The following RYK variants were observed in gnomAD, a reference collection of about 807,000 sequenced individuals.
RYK encodes receptor like tyrosine kinase.
Under a neutral mutation model 70.2 loss-of-function variants are expected in RYK, and 21 were observed. The observed-to-expected ratio is 0.30, with a 90% CI of 0.21 to 0.43. The LOEUF (loss-of-function observed/expected upper bound fraction) is 0.43, where lower values mean the gene tolerates loss of function less well. RYK is among the 20% of genes least tolerant of loss of function. The pLI is 1.00. For synonymous variants in RYK, 267 were observed against 278.0 expected, an observed-to-expected ratio of 0.96 and a Z score of 0.39; for missense variants, 604 against 753.3, an observed-to-expected ratio of 0.80 and a Z score of 2.32.
chr3:134,235,852 C>T (rs1298832814), intron 1 of RYK, among the ~76,000 whole-genome samples: 1 of 151,920 alleles, frequency 6.6e-6, no homozygotes, highest in Admixed American at 6.6e-5. Flanking sequence ...CTGTGGCAAG[C>T]CAGGAGCAGG....
At chr3:134,205,367 C>T (rs1335285394) in intron 5 of RYK, among the ~76,000 whole-genome samples, 3 of 152,164 alleles carry the variant, frequency 2.0e-5, no homozygotes, top group Non-Finnish European at 4.4e-5. Flanking sequence ...AACAATAAAT[C>T]AGAACAGATT....
At chr3:134,192,015 C>G (rs1286589757) in intron 7 of RYK, 41 bp from the exon 8 acceptor site, 1 of 1,599,590 alleles carries the variant, frequency 6.3e-7, no homozygotes, top group Non-Finnish European at 8.5e-7. Flanking sequence ...TATAAATACC[C>G]TTATTATGGT....
intron 8 of RYK, among the ~76,000 whole-genome samples, chr3:134,190,933 T>C (rs1294051451): frequency 6.6e-6 from 1 of 152,196 alleles, no homozygotes; most frequent in Non-Finnish European, 1.5e-5. Context: ...CAGTCAACTA[T>C]TAACAAGTGG....
intron 2 of RYK, among the ~76,000 whole-genome samples, chr3:134,221,196 C>CTTTTTTTTTTTTTTTT (rs71139519): frequency 1.3e-5 from 1 of 78,562 alleles, no homozygotes; most frequent in African/African-American, 5.6e-5. Flanking sequence ...AGTTCTTTTT[C>CTTTTTTTTTTTTTTTT]TTTTTTTTTT....
chr3:134,204,020 G>T (rs904749022), intron 5 of RYK, among the ~76,000 whole-genome samples: 4 of 152,126 alleles, frequency 2.6e-5, no homozygotes, highest in African/African-American at 9.7e-5. Flanking sequence ...TGGGTTAGAG[G>T]AATCAGACAT....
At chr3:134,176,278 A>C (rs1448192712) in intron 11 of RYK, among the ~76,000 whole-genome samples, 1 of 152,190 alleles carries the variant, frequency 6.6e-6, no homozygotes, top group Non-Finnish European at 1.5e-5. Flanking sequence ...CATCTGTTAG[A>C]TGTATCTCCC....
intron 1 of RYK, among the ~76,000 whole-genome samples, chr3:134,236,327 A>T (rs2015200051): frequency 6.6e-6 from 1 of 152,188 alleles, no homozygotes; most frequent in African/African-American, 2.4e-5. Context: ...CAATCCAAAA[A>T]GGAAATTAGA....
At chr3:134,159,424 G>T in intron 13 of RYK, 51 bp from the exon 14 acceptor site, 1 of 1,519,566 alleles carries the variant, frequency 6.6e-7, no homozygotes, top group Non-Finnish European at 8.8e-7. Flanking sequence ...CAACAGTCAG[G>T]GGGCTAGCGC....
intron 1 of RYK, among the ~76,000 whole-genome samples, chr3:134,239,058 T>C (rs977203508): frequency 1.3e-5 from 2 of 152,122 alleles, no homozygotes; most frequent in Non-Finnish European, 2.9e-5. Context: ...GGTGCAGTGA[T>C]ACAGGTCTGC....
At chr3:134,162,116 T>C (rs576740605) in intron 13 of RYK, among the ~76,000 whole-genome samples, 1 of 152,308 alleles carries the variant, frequency 6.6e-6, no homozygotes, top group Non-Finnish European at 1.5e-5. Context: ...GTCTCTTTTC[T>C]TAGGGTGGAT....
intron 2 of RYK, among the ~76,000 whole-genome samples, chr3:134,217,655 A>C (rs570919456): frequency 6.6e-6 from 1 of 152,338 alleles, no homozygotes; most frequent in Admixed American, 6.5e-5. Flanking sequence ...AGATGTATAT[A>C]TACATATATG....
At chr3:134,192,595 T>C (rs1011363565) in intron 7 of RYK, among the ~76,000 whole-genome samples, 7 of 152,148 alleles carry the variant, frequency 4.6e-5, no homozygotes, top group Admixed American at 2.6e-4. Context: ...TCATTCTTAA[T>C]TCAATGACAG....
At chr3:134,201,559 G>C (rs913508847) in intron 6 of RYK, among the ~76,000 whole-genome samples, 3 of 152,158 alleles carry the variant, frequency 2.0e-5, no homozygotes, top group African/African-American at 7.2e-5. Context: ...AAGAGAAAGG[G>C]GTGTTTGGGA....
At chr3:134,191,816 T>C in intron 8 of RYK, 33 bp downstream of exon 8, 2 of 1,568,968 alleles carry the variant, frequency 1.3e-6, no homozygotes, top group Non-Finnish European at 1.7e-6. Context: ...CATTAAATCA[T>C]ACTTAAAAAA....
rs2013290327 is a variant in RYK at position 134,181,364 on chromosome 3, G to A, written c.1172+1638C>T. 5 of 152,138 alleles carry A rather than the reference G, an allele frequency of 3.3e-5. No individual in the cohort carries two copies. In the South Asian group the frequency reaches 1.0e-3, roughly 32 times the overall value. The allele number at this position is 152,138 out of a possible 1,614,324, so 9.4% of individuals were successfully genotyped here. A position where few individuals can be genotyped will look rare whatever the true frequency, so the allele number is the denominator to read the frequency against. On this transcript the variant is annotated intron_variant, in intron 10 of 14. Transcript: ENST00000623711. ...TTCACCCTTGGTTGCCGAGAAGCTA[G>A]GAGGTGTTTTATGTTCAGTCACAGT...
intron 2 of RYK, among the ~76,000 whole-genome samples, chr3:134,214,752 C>T (rs771349584): frequency 1.3e-4 from 20 of 152,200 alleles, no homozygotes; most frequent in Non-Finnish European, 2.5e-4. Context: ...ACCTTACAGG[C>T]CTTCCCCACC....
chr3:134,161,129 A>AT (rs1168702663), intron 13 of RYK, among the ~76,000 whole-genome samples: 1 of 152,226 alleles, frequency 6.6e-6, no homozygotes, highest in Non-Finnish European at 1.5e-5. Context: ...TTGACAGACT[A>AT]TTTAAAGCAA....
chr3:134,240,474 C>T (rs886265048), intron 1 of RYK, among the ~76,000 whole-genome samples: 4 of 152,072 alleles, frequency 2.6e-5, no homozygotes, highest in African/African-American at 9.7e-5. Flanking sequence ...ACAAATGCCC[C>T]ATTCACAGGG....
chr3:134,159,150 G>A (rs928334889), intron 14 of RYK, 87 bp downstream of exon 14: 1 of 1,353,740 alleles, frequency 7.4e-7, no homozygotes, highest in African/African-American at 1.4e-5. Flanking sequence ...GGAAGGCTCT[G>A]TGTGAATATG....
Sources: gnomAD v4.1 joint callset for allele counts (sites outside exome capture counted in the v4.1 genomes callset) on GRCh38, gnomAD v4.1.1 for gene constraint, MANE v1.5 for transcripts, NCBI Gene and HGNC (gene_info 2026-07-23, HGNC 2026-07-21) for gene names.